Variants in LRRC4C observed in about 807,000 individuals in gnomAD.
The protein encoded by LRRC4C is leucine rich repeat containing 4C.
LRRC4C carries 5 observed loss-of-function variants against 33.6 expected under a neutral mutation model. The ratio of observed to expected loss-of-function variants is 0.15; its 90% CI spans 0.08 to 0.31. LRRC4C has a LOEUF of 0.31. Among genes scored for constraint, LRRC4C ranks in the 10% least tolerant of loss-of-function variants. The pLI, the probability that LRRC4C is intolerant of heterozygous loss-of-function variation, is 1.00. For missense variants in LRRC4C, 560 were observed against 796.7 expected (o/e 0.70, Z 3.58); for synonymous variants, 329 against 302.0 (o/e 1.09, Z -0.93).
chr11:40,294,230 G>C (rs1052970147), intron 4 of LRRC4C: 1 of 152,214 alleles, frequency 6.6e-6, no homozygotes, highest in Admixed American at 6.5e-5. Flanking sequence ...TCAGGGAAGA[G>C]GGGATTGGAG....
intron 1 of LRRC4C, among the ~76,000 whole-genome samples, chr11:40,950,241 T>A (rs149055208): frequency 6.6e-6 from 1 of 152,014 alleles, no homozygotes; most frequent in African/African-American, 2.4e-5. Flanking sequence ...TTCCATTATG[T>A]TTTTTTCTTT....
chr11:40,564,868 A>G (rs1025927928), intron 3 of LRRC4C, among the ~76,000 whole-genome samples: 2 of 152,170 alleles, frequency 1.3e-5, no homozygotes, highest in South Asian at 2.1e-4. Flanking sequence ...GGCTCATACT[A>G]CACAATGGAG....
chr11:40,408,031 C>T (rs75178557), intron 3 of LRRC4C, among the ~76,000 whole-genome samples: 20 of 151,918 alleles, frequency 1.3e-4, no homozygotes, highest in Non-Finnish European at 2.8e-4. Flanking sequence ...AGAATTATAT[C>T]AATCTATTTC....
chr11:40,942,949 A>T (rs915634337), intron 1 of LRRC4C, among the ~76,000 whole-genome samples: 5 of 152,182 alleles, frequency 3.3e-5, no homozygotes, highest in Non-Finnish European at 7.3e-5. Context: ...TACTTATTTC[A>T]TAGTGACACA....
chr11:40,598,453 A>C (rs1255344289), intron 3 of LRRC4C, among the ~76,000 whole-genome samples: 3 of 152,166 alleles, frequency 2.0e-5, no homozygotes, highest in African/African-American at 7.2e-5. Flanking sequence ...GGCTCTGGCA[A>C]AGCACTTGGC....
chr11:40,355,976 A>ATAG (rs1270473356), intron 3 of LRRC4C, among the ~76,000 whole-genome samples: 1 of 36,366 alleles, frequency 2.7e-5, no homozygotes, highest in Non-Finnish European at 7.9e-5. Flanking sequence ...ATAGTATAGT[A>ATAG]CAGTATAGTA....
chr11:40,665,029 G>GA (rs1369684667), intron 2 of LRRC4C, among the ~76,000 whole-genome samples: 1 of 150,442 alleles, frequency 6.6e-6, no homozygotes, highest in African/African-American at 2.5e-5. Flanking sequence ...GCGGTGTTTG[G>GA]TTTTTTGTCC....
At chr11:40,793,852 C>T (rs990231843) in intron 2 of LRRC4C, among the ~76,000 whole-genome samples, 1 of 152,170 alleles carries the variant, frequency 6.6e-6, no homozygotes, top group Admixed American at 6.5e-5. Context: ...TGGACACAAA[C>T]AATTCTGTAA....
chr11:40,755,097 A>T (rs911281002), intron 2 of LRRC4C, among the ~76,000 whole-genome samples: 1 of 152,132 alleles, frequency 6.6e-6, no homozygotes, highest in Non-Finnish European at 1.5e-5. Context: ...TTGAGTTTGC[A>T]TGATAAAGTT....
intron 2 of LRRC4C, among the ~76,000 whole-genome samples, chr11:40,816,421 C>T (rs948607576): frequency 2.0e-5 from 3 of 152,276 alleles, no homozygotes; most frequent in African/African-American, 7.2e-5. Flanking sequence ...CAACAGATAT[C>T]CAGAGGCTCT....
chr11:41,377,239 T>C (rs1952969652), intron 1 of LRRC4C, among the ~76,000 whole-genome samples: 1 of 152,146 alleles, frequency 6.6e-6, no homozygotes, highest in Admixed American at 6.6e-5. Context: ...ATTAACACTT[T>C]TGTGTGTCAG....
chr11:41,373,997 T>A (rs1267264767), intron 1 of LRRC4C, among the ~76,000 whole-genome samples: 2 of 152,198 alleles, frequency 1.3e-5, no homozygotes, highest in Non-Finnish European at 2.9e-5. Context: ...AAAATTTTCA[T>A]ATCATATCAA....
intron 4 of LRRC4C, among the ~76,000 whole-genome samples, chr11:40,287,256 A>ATGTGTG (rs5791367): frequency 0.079 from 11,409 of 144,766 alleles, 438 homozygotes; most frequent in African/African-American, 0.1. Flanking sequence ...ATGTCACTGT[A>ATGTGTG]TGTGTGTGTG....
chr11:41,052,062 C>T (rs1337783830), intron 1 of LRRC4C, among the ~76,000 whole-genome samples: 1 of 152,078 alleles, frequency 6.6e-6, no homozygotes, highest in African/African-American at 2.4e-5. Flanking sequence ...CTGTACTGGG[C>T]AACACCATTA....
Position 40,913,285 on chromosome 11 carries a change from A to C in LRRC4C, c.-407+20350T>G, listed in dbSNP as rs570324697. Among the ~76,000 whole-genome samples the C allele has an allele frequency of 2.0e-5, 3 of 152,316 alleles. No homozygotes were observed. In the South Asian group the frequency reaches 6.2e-4, roughly 32 times the overall value. ...CACCACACCTATTCCAAAATTGACC[A>C]AATACTTGGAAGTAAAGCACTCCTC... On this transcript the variant is annotated intron_variant, in intron 2 of 6. Transcript: ENST00000528697.
At chr11:41,243,572 T>C (rs1018735347) in intron 1 of LRRC4C, among the ~76,000 whole-genome samples, 1 of 152,164 alleles carries the variant, frequency 6.6e-6, no homozygotes, top group Non-Finnish European at 1.5e-5. Flanking sequence ...AAAAGATGCA[T>C]CTAACATCTG....
chr11:41,364,522 T>A (rs1334936258), intron 1 of LRRC4C, among the ~76,000 whole-genome samples: 1 of 152,090 alleles, frequency 6.6e-6, no homozygotes, highest in Non-Finnish European at 1.5e-5. Flanking sequence ...GTGATCCACC[T>A]GCCTGGGCCT....
At chr11:41,123,811 C>A (rs1352913982) in intron 1 of LRRC4C, among the ~76,000 whole-genome samples, 1 of 152,144 alleles carries the variant, frequency 6.6e-6, no homozygotes, top group East Asian at 1.9e-4. Context: ...TTAATCAATG[C>A]AGAGAAGAAT....
intron 5 of LRRC4C, among the ~76,000 whole-genome samples, chr11:40,159,651 T>C (rs1409027939): frequency 6.6e-6 from 1 of 152,192 alleles, no homozygotes; most frequent in African/African-American, 2.4e-5. Flanking sequence ...CATAATGTAG[T>C]TTTAATCATT....
Sources: gnomAD v4.1 joint callset for allele counts (sites outside exome capture counted in the v4.1 genomes callset) on GRCh38, gnomAD v4.1.1 for gene constraint, MANE v1.5 for transcripts, NCBI Gene and HGNC (gene_info 2026-07-23, HGNC 2026-07-21) for gene names.